ARHGAP4: variants seen among roughly 807,000 people sequenced by gnomAD.
ARHGAP4 encodes the protein rho GTPase-activating protein 4.
ARHGAP4 carries 25 observed loss-of-function variants against 67.6 expected under a neutral mutation model. The observed-to-expected ratio is 0.37, with a 90% confidence interval of 0.27 to 0.52. ARHGAP4 has a LOEUF of 0.52. ARHGAP4 is among the 20% of genes least tolerant of loss of function. The pLI is 0.92. For synonymous variants in ARHGAP4, 448 were observed against 373.7 expected, an observed-to-expected ratio of 1.20 and a Z score of -2.29; for missense variants, 804 against 854.6, an observed-to-expected ratio of 0.94 and a Z score of 0.74.
Position 153,921,760 on chromosome X carries a change from G to T in ARHGAP4, c.117C>A (p.Gly39=), listed in dbSNP as rs782535657. 18 of 1,201,065 alleles carry T rather than the reference G, an allele frequency of 1.5e-5. No homozygotes were observed. In the African/African-American group the frequency reaches 3.1e-4, roughly 21 times the overall value. The change falls in exon 2 of 22, where the codon GGC becomes GGA. Residue 39 remains glycine, a synonymous_variant. Coordinates refer to ENST00000350060, the MANE Select transcript of ARHGAP4 (RefSeq NM_001666.5). The stretch of plus-strand genomic sequence containing the variant: ...CCTGCAGCAACTCCCGCCGCAGCTC[G>T]CCCTGCAGCTCCAGGCAGCGCAGCT... ...SEQLRCLELQ[G]ELRRELLQEL... is the part of the protein sequence containing the mutation.
chrX:153,913,083 C>A, intron 10 of ARHGAP4, 32 bp from the exon 11 acceptor site: 1 of 1,181,835 alleles, frequency 8.5e-7, no homozygotes, highest in Non-Finnish European at 1.1e-6. Flanking sequence ...GTCTGCCTCT[C>A]GGGCCAGGGG....
At chrX:153,909,009 C>G in intron 21 of ARHGAP4, 61 bp downstream of exon 21, 2 of 1,140,307 alleles carry the variant, frequency 1.8e-6, no homozygotes, top group Admixed American at 4.4e-5. Flanking sequence ...GTTTGGCTTC[C>G]AAGGGGAGGC....
rs1456910619 is a variant in ARHGAP4, at chrX:153,920,700, T to G, written c.607A>C (p.Thr203Pro). ...CCTGCCTCAGTGGCACCAGCGGTGGTGGTGGGGACACTCCGGCCTGCCCGC... is the reference window on the plus strand; with the variant it reads ...CCTGCCTCAGTGGCACCAGCGGTGGGGGTGGGGACACTCCGGCCTGCCCGC... ...EKRAGRSVPT[T>P]TAGATEAGPL... The change falls in exon 5 of 22, where the codon ACC (threonine) becomes CCC (proline). Residue 203 changes from threonine to proline, a missense_variant. By Grantham distance (38) the Thr-to-Pro change is conservative (BLOSUM62 -1). Around this residue, in one of 2 missense-constraint regions of ARHGAP4, gnomAD observed 404 missense variants for 505.9 expected, o/e 0.80. Coordinates refer to ENST00000350060, the MANE Select transcript of ARHGAP4 (RefSeq NM_001666.5). 8.3e-7 allele frequency: 1 copy of G among 1,211,434 alleles called. No individual in the cohort carries two copies. Among genetic ancestry groups the G allele is most frequent in the African/African-American group, 1.7e-5 (1 of 57,953 alleles).
intron 17 of ARHGAP4, 32 bp from the exon 18 acceptor site, chrX:153,910,117 G>A (rs376405202): frequency 2.5e-6 from 3 of 1,209,034 alleles, no homozygotes; most frequent in Non-Finnish European, 3.4e-6. Context: ...GGCAGATGAG[G>A]GGGGCTCTTC....
chrX:153,921,296 C>T lies in ARHGAP4; in HGVS notation c.435+69G>A, dbSNP rs1389912940. 6 of 1,201,045 alleles carry T rather than the reference C, an allele frequency of 5.0e-6. No homozygotes were observed. The Admixed American group carries it at 1.3e-4, about 27-fold the overall frequency. On this transcript the variant is annotated intron_variant, in intron 3 of 21. Coordinates refer to ENST00000350060, the MANE Select transcript of ARHGAP4 (RefSeq NM_001666.5). ...TGCTCCCCACCTGGCCTCCAGTGCC[C>T]TCCCAGCCACAGTGCCTCCTGATCC...
At chrX:153,920,864 C>T in intron 4 of ARHGAP4, 56 bp from the exon 5 acceptor site, 1 of 1,185,903 alleles carries the variant, frequency 8.4e-7, no homozygotes, top group East Asian at 3.0e-5. Flanking sequence ...TGGGCCAGCC[C>T]CCAGCCCTCT....
rs1557102557 is a variant in ARHGAP4, at chrX:153,910,068, C to A, written c.2174G>T (p.Ser725Ile). 1.2e-5 allele frequency: 14 copies of A among 1,211,443 alleles called. No homozygotes were observed. Among genetic ancestry groups the A allele is most frequent in the Admixed American group, 2.2e-5 (1 of 46,129 alleles). Reference sequence around the variant, plus strand: ...CTCCGGCTCATTGTCCGCCCCCAGGCTCTCCAGCTGGGCGTCCCTGAGGTT... The same window carrying A: ...CTCCGGCTCATTGTCCGCCCCCAGGATCTCCAGCTGGGCGTCCCTGAGGTT... ...ASCLGDAQLE[S>I]LGADNEPELE... Residue 725 changes from serine to isoleucine, a missense_variant, in exon 18 of 22, where the codon AGC (serine) becomes ATC (isoleucine). By Grantham distance (142) the Ser-to-Ile change is moderately radical (BLOSUM62 -2). Transcript: ENST00000350060.
intron 21 of ARHGAP4, among the ~76,000 whole-genome samples, chrX:153,908,605 C>G (rs2064990888): frequency 9.1e-6 from 1 of 110,174 alleles, no homozygotes; most frequent in Non-Finnish European, 1.9e-5. Context: ...ACCCCAATCC[C>G]CAACCAGCCA....
chrX:153,925,302 T>C (rs2065119545), intron 1 of ARHGAP4, among the ~76,000 whole-genome samples: 1 of 112,024 alleles, frequency 8.9e-6, no homozygotes, highest in South Asian at 3.7e-4. Context: ...CAAGGGTCAT[T>C]GCATTCTACG....
intron 20 of ARHGAP4, 55 bp downstream of exon 20, chrX:153,909,388 C>T: frequency 9.1e-7 from 1 of 1,096,897 alleles, no homozygotes; most frequent in Non-Finnish European, 1.2e-6. Context: ...ACCCCAGTCC[C>T]CTCTGGCCTA....
intron 5 of ARHGAP4, among the ~76,000 whole-genome samples, chrX:153,920,224 G>A (rs925199460): frequency 1.2e-4 from 13 of 112,489 alleles, no homozygotes; most frequent in Non-Finnish European, 2.1e-4. Flanking sequence ...TGTCAGCCAC[G>A]CACAGCCTGG....
At chrX:153,925,811 T>C (rs782809553) in intron 1 of ARHGAP4, among the ~76,000 whole-genome samples, 9 of 113,028 alleles carry the variant, frequency 8.0e-5, no homozygotes, top group Non-Finnish European at 1.5e-4. Flanking sequence ...AATACTGCCT[T>C]CTGAGGGGCA....
At position 153,920,636 on chromosome X, in the gene ARHGAP4, A is replaced by G. The variant is rs1448403684; in HGVS notation, c.671T>C (p.Leu224Pro). ...GCCCTCCAGGCCCACCTTCTCCACC[A>G]GCCTCCCTCCCTTCTTGAGGGAGCT... ...RKSSLKKGGR[L>P]VEKRQAKFME... is the part of the protein sequence containing the mutation. The change falls in exon 5 of 22, where the codon CTG becomes CCG. Residue 224 changes from leucine (L) to proline (P), a missense_variant. This residue lies in a region of ARHGAP4 where 404 missense variants were observed against 505.9 expected (regional missense o/e 0.80). Coordinates refer to ENST00000350060, the MANE Select transcript of ARHGAP4 (RefSeq NM_001666.5). 8.3e-7 allele frequency: 1 copy of G among 1,203,985 alleles called. No individual in the cohort carries two copies. The highest frequency in any genetic ancestry group is 1.8e-5 in the South Asian group (1 of 55,916).
At chrX:153,916,354 C>G (rs782125031) in intron 7 of ARHGAP4, among the ~76,000 whole-genome samples, 1 of 113,398 alleles carries the variant, frequency 8.8e-6, no homozygotes, top group East Asian at 2.8e-4. Flanking sequence ...TCCTCTAAGG[C>G]CTTTCCACTA....
In ARHGAP4 at chrX:153,921,768, G is replaced by T; in HGVS notation, c.109C>A (p.Leu37Met). The change falls in exon 2 of 22, where the codon CTG (leucine) becomes ATG (methionine). Residue 37 changes from leucine (L) to methionine (M), a missense_variant. Physicochemically the swap from Leu to Met is conservative, Grantham distance 15. Coordinates refer to ENST00000350060, the MANE Select transcript of ARHGAP4 (RefSeq NM_001666.5). ...AACTCCCGCCGCAGCTCGCCCTGCA[G>T]CTCCAGGCAGCGCAGCTGCTCGCTC... ...QLSEQLRCLE[L>M]QGELRRELLQ... 3.3e-6 allele frequency: 4 copies of T among 1,199,753 alleles called. No individual in the cohort carries two copies. The highest frequency in any genetic ancestry group is 4.5e-6 in the Non-Finnish European group (4 of 890,302).
In ARHGAP4 at chrX:153,911,147, G is replaced by A. The variant is rs935282101; in HGVS notation, c.1585C>T (p.Arg529Cys). Residue 529 changes from arginine (R) to cysteine (C), a missense_variant, in exon 13 of 22, where the codon CGC becomes TGC. Around this residue, in one of 2 missense-constraint regions of ARHGAP4, gnomAD observed 404 missense variants for 505.9 expected, o/e 0.80. Coordinates refer to ENST00000350060, the MANE Select transcript of ARHGAP4 (RefSeq NM_001666.5). ...PVPLVVESCI[R>C]FINLNGLQHE... Reference sequence around the variant, plus strand: ...TGCTTACCATTGAGGTTGATGAAGCGAATGCAGCTCTCCACCACCAGGGGC... The same window carrying A: ...TGCTTACCATTGAGGTTGATGAAGCAAATGCAGCTCTCCACCACCAGGGGC... 24 of 1,168,360 alleles carry A rather than the reference G, an allele frequency of 2.1e-5. No individual in the cohort carries two copies. Among genetic ancestry groups the A allele is most frequent in the Middle Eastern group, 4.6e-4 (2 of 4,324 alleles).
At chrX:153,912,599 G>A (rs1427316011) in intron 12 of ARHGAP4, 101 bp downstream of exon 12, 40 of 703,404 alleles carry the variant, frequency 5.7e-5, no homozygotes, top group Non-Finnish European at 7.8e-5. Context: ...TGAGAGTGGA[G>A]GACCCTGGGA....
At chrX:153,925,253 A>C (rs1402321934) in intron 1 of ARHGAP4, among the ~76,000 whole-genome samples, 2 of 111,877 alleles carry the variant, frequency 1.8e-5, no homozygotes, top group African/African-American at 6.5e-5. Context: ...GCACTGAATA[A>C]TGATGTTAGA....
At chrX:153,912,882 C>A in intron 11 of ARHGAP4, 80 bp from the exon 12 acceptor site, 1 of 1,115,958 alleles carries the variant, frequency 9.0e-7, no homozygotes, top group Non-Finnish European at 1.2e-6. Context: ...GCCAAGCCGG[C>A]CTCTAATTCT....
Sources: gnomAD v4.1 joint callset for allele counts (sites outside exome capture counted in the v4.1 genomes callset) on GRCh38, gnomAD v4.1.1 for gene constraint, gnomAD v4.1.1 regional missense constraint, MANE v1.5 for transcripts, NCBI Gene and HGNC (gene_info 2026-07-23, HGNC 2026-07-21) for gene names.